The following EMSY variants were observed in gnomAD, a reference collection of about 807,000 sequenced individuals.
The protein encoded by EMSY is EMSY transcriptional repressor, BRCA2 interacting.
A neutral mutation model predicts 134.6 loss-of-function variants in EMSY; 26 were observed. The observed-to-expected ratio is 0.19, with a 90% CI of 0.14 to 0.27. EMSY has a LOEUF of 0.27. Ranked by LOEUF, EMSY falls within the 10% of genes least tolerant of loss-of-function variation. The pLI is 1.00. For synonymous variants in EMSY, 579 were observed against 577.8 expected, an observed-to-expected ratio of 1.00 and a Z score of -0.03; for missense variants, 1,305 against 1,611.4, an observed-to-expected ratio of 0.81 and a Z score of 3.26.
chr11:76,532,404 A>ATAC (rs1417860515), intron 14 of EMSY, among the ~76,000 whole-genome samples: 1 of 150,710 alleles, frequency 6.6e-6, no homozygotes, highest in Non-Finnish European at 1.5e-5. Context: ...GGGCCTTTTA[A>ATAC]GTAGTAAGTA....
intron 9 of EMSY, among the ~76,000 whole-genome samples, chr11:76,499,694 C>G (rs1441819913): frequency 6.6e-6 from 1 of 151,902 alleles, no homozygotes; most frequent in South Asian, 2.1e-4. Flanking sequence ...TCTTTTGTTT[C>G]TTGTTTCTTT....
At chr11:76,514,980 A>G (rs1470685697) in intron 10 of EMSY, among the ~76,000 whole-genome samples, 1 of 151,802 alleles carries the variant, frequency 6.6e-6, no homozygotes, top group Admixed American at 6.6e-5. Context: ...TCTTTTTTTA[A>G]CAAAAACTTA....
At chr11:76,449,632 G>A (rs1158052652) in intron 2 of EMSY, among the ~76,000 whole-genome samples, 4 of 152,032 alleles carry the variant, frequency 2.6e-5, no homozygotes, top group African/African-American at 9.7e-5. Flanking sequence ...ACTGCCTTCT[G>A]TCATTACTTC....
In EMSY at chr11:76,544,450, A is replaced by C. The variant is rs1320190322; in HGVS notation, c.2901A>C (p.Lys967Asn). 6 of 1,613,958 alleles carry C rather than the reference A, an allele frequency of 3.7e-6. No individual in the cohort carries two copies. In the African/African-American group the frequency reaches 8.0e-5, roughly 22 times the overall value. ...TGGAACAGACTCAGCTGCAAGTGAA[A>C]ACTCTGCAGTGCTTCCAGACTAAAC... is the stretch of plus-strand genomic sequence containing the variant. Residue 967 changes from lysine (K) to asparagine (N), a missense_variant, in exon 19 of 21, where the codon AAA (lysine) becomes AAC (asparagine). This residue lies in a region of EMSY where 664 missense variants were observed against 763.9 expected (regional missense o/e 0.87). Transcript: ENST00000334736.
At chr11:76,473,332 G>A (rs1351564590) in intron 8 of EMSY, among the ~76,000 whole-genome samples, 1 of 151,122 alleles carries the variant, frequency 6.6e-6, no homozygotes, top group East Asian at 1.9e-4. Flanking sequence ...GTTGAGACAG[G>A]GTCTCGCTCT....
exon 21 of EMSY, chr11:76,550,175 C>T (rs2136931114): frequency 6.6e-7 from 1 of 1,519,428 alleles, no homozygotes; most frequent in Non-Finnish European, 8.8e-7. Flanking sequence ...CACTTTAAAA[C>T]CTGCTTGGTT....
chr11:76,505,781 C>G (rs984284155), intron 9 of EMSY, among the ~76,000 whole-genome samples: 9 of 151,758 alleles, frequency 5.9e-5, no homozygotes, highest in African/African-American at 9.7e-5. Flanking sequence ...CGCGTGAACC[C>G]GGGGGGTGGA....
chr11:76,520,388 T>C (rs1183991959), intron 11 of EMSY, among the ~76,000 whole-genome samples: 1 of 152,142 alleles, frequency 6.6e-6, no homozygotes, highest in Non-Finnish European at 1.5e-5. Context: ...AAGTGGTCCT[T>C]GTACTTTGGT....
At chr11:76,549,908 T>C (rs146753819) in intron 20 of EMSY, 44 bp from the exon 22 acceptor site, 258 of 1,438,494 alleles carry the variant, frequency 1.8e-4, no homozygotes, top group Non-Finnish European at 2.0e-5. Flanking sequence ...GTTATTCTGC[T>C]ACCTTTTCTT....
At chr11:76,547,866 C>T (rs1404161958) in intron 20 of EMSY, among the ~76,000 whole-genome samples, 1 of 152,170 alleles carries the variant, frequency 6.6e-6, no homozygotes, top group Non-Finnish European at 1.5e-5. Context: ...ACAGAATTCG[C>T]AGCCAGCTTT....
At chr11:76,486,487 G>A (rs984028214) in intron 8 of EMSY, among the ~76,000 whole-genome samples, 1 of 152,158 alleles carries the variant, frequency 6.6e-6, no homozygotes, top group Non-Finnish European at 1.5e-5. Flanking sequence ...TAACATGACG[G>A]ATGCCGTATA....
At chr11:76,479,906 C>G (rs538453665) in intron 8 of EMSY, among the ~76,000 whole-genome samples, 2 of 152,272 alleles carry the variant, frequency 1.3e-5, no homozygotes, top group African/African-American at 4.8e-5. Flanking sequence ...AATGGTAATA[C>G]TGGTCATGAA....
At chr11:76,527,816 C>T (rs1011598074) in intron 13 of EMSY, among the ~76,000 whole-genome samples, 5 of 151,648 alleles carry the variant, frequency 3.3e-5, no homozygotes, top group African/African-American at 7.3e-5. Flanking sequence ...GAAGAACACT[C>T]GCTCAAACAG....
At chr11:76,478,034 G>A (rs1380886281) in intron 8 of EMSY, among the ~76,000 whole-genome samples, 3 of 151,930 alleles carry the variant, frequency 2.0e-5, no homozygotes, top group Non-Finnish European at 2.9e-5. Context: ...TTCCAATTAC[G>A]TTGTTTCCAC....
intron 6 of EMSY, among the ~76,000 whole-genome samples, 181 bp from the exon 8 acceptor site, chr11:76,463,629 CAAAAAAAAAAA>C (rs567081751): frequency 1.1e-5 from 1 of 94,878 alleles, no homozygotes; most frequent in Admixed American, 1.1e-4. Context: ...GACTCCGTCT[CAAAAAAAAAAA>C]AAAAAAAAGA....
chr11:76,538,051 CT>C, intron 16 of EMSY, 101 bp downstream of exon 17: 1 of 1,070,098 alleles, frequency 9.3e-7, no homozygotes, highest in East Asian at 2.9e-5. Flanking sequence ...ATATTTTTAG[CT>C]TTTTCCTCTT....
intron 14 of EMSY, among the ~76,000 whole-genome samples, chr11:76,532,899 A>G (rs749623058): frequency 2.6e-5 from 4 of 152,214 alleles, no homozygotes; most frequent in Non-Finnish European, 5.9e-5. Context: ...GAGCAGAAAC[A>G]TACTTATTGC....
intron 20 of EMSY, among the ~76,000 whole-genome samples, chr11:76,547,492 G>GA (rs1445378287): frequency 6.6e-6 from 1 of 152,196 alleles, no homozygotes; most frequent in Non-Finnish European, 1.5e-5. Flanking sequence ...GAAAAGGAAT[G>GA]GTTTTCTGGC....
chr11:76,472,658 C>T (rs1340348017), exon 8 of EMSY: 6 of 1,614,128 alleles, frequency 3.7e-6, no homozygotes, highest in Non-Finnish European at 5.1e-6. Flanking sequence ...CTTGTACCAA[C>T]GTCAGTCATT....
Sources: gnomAD v4.1 joint callset for allele counts (sites outside exome capture counted in the v4.1 genomes callset) on GRCh38, gnomAD v4.1.1 for gene constraint, gnomAD v4.1.1 regional missense constraint, MANE v1.5 for transcripts, NCBI Gene and HGNC (gene_info 2026-07-23, HGNC 2026-07-21) for gene names.